The following NPAS2 variants were observed in gnomAD, a reference collection of about 807,000 sequenced individuals.
NPAS2 encodes neuronal PAS domain protein 2.
NPAS2 carries 23 observed loss-of-function variants against 107.5 expected under a neutral mutation model. That is an observed-to-expected ratio of 0.21 (90% CI 0.15 to 0.30). The LOEUF is 0.30. Among genes scored for constraint, NPAS2 ranks in the 10% least tolerant of loss-of-function variants. The probability of loss-of-function intolerance (pLI) is 1.00; values close to 1 mark genes in which losing one functional copy is unlikely to be tolerated. For synonymous variants in NPAS2, 403 were observed against 417.5 expected (o/e 0.97, Z 0.42); for missense variants, 756 against 1,043.3 (o/e 0.72, Z 3.79).
At chr2:100,954,390 C>T (rs1455018641) in intron 7 of NPAS2, among the ~76,000 whole-genome samples, 1 of 152,140 alleles carries the variant, frequency 6.6e-6, no homozygotes, top group Non-Finnish European at 1.5e-5. Flanking sequence ...GTGGGCCAGG[C>T]ACGGTGGCTC....
rs77661345 is a variant in NPAS2, at chr2:100,924,393, A to G, written c.33-753A>G. Among the ~76,000 whole-genome samples the G allele has an allele frequency of 7.1e-3, 1,080 of 152,320 alleles. 9 individuals are homozygous for G. Among genetic ancestry groups the G allele is most frequent in the African/African-American group, 0.024 (1,010 of 41,564 alleles). ...TAAAAATCCTCTGTTCATCCCTCCT[A>G]ACCCCTAGCAACCACTGATCTTTGT... On this transcript the variant is annotated intron_variant, in intron 2 of 20. Transcript: ENST00000335681.
intron 1 of NPAS2, among the ~76,000 whole-genome samples, chr2:100,856,077 T>G (rs1383884833): frequency 6.6e-6 from 1 of 152,140 alleles, no homozygotes; most frequent in Non-Finnish European, 1.5e-5. Context: ...GAGCCCTACT[T>G]AAGCAAAATT....
chr2:100,937,924 G>A (rs958074221), intron 5 of NPAS2, 82 bp downstream of exon 5: 15 of 1,130,046 alleles, frequency 1.3e-5, no homozygotes, highest in Admixed American at 8.4e-5. Context: ...ATGGAAGGTG[G>A]TGCAGGTGTC....
chr2:100,952,852 G>GTT (rs34286637), intron 7 of NPAS2, among the ~76,000 whole-genome samples: 187 of 133,478 alleles, frequency 1.4e-3, no homozygotes, highest in Non-Finnish European at 1.6e-3. Flanking sequence ...TATGTGTGAG[G>GTT]TTTTTTTTTT....
chr2:100,843,851 C>T (rs752252219), intron 1 of NPAS2, among the ~76,000 whole-genome samples: 24 of 152,142 alleles, frequency 1.6e-4, no homozygotes, highest in Non-Finnish European at 2.9e-4. Context: ...ACCCATCAAT[C>T]AGTTGTTCAG....
At chr2:100,963,939 AATATACTCTAC>A in intron 7 of NPAS2, 108 bp from the exon 8 acceptor site, 1 of 658,166 alleles carries the variant, frequency 1.5e-6, no homozygotes, top group Middle Eastern at 4.2e-4. Flanking sequence ...GAAATGAGTT[AATATACTCTAC>A]ATAAACCCTG....
At chr2:100,947,276 C>T (rs1022684839) in intron 5 of NPAS2, among the ~76,000 whole-genome samples, 5 of 152,124 alleles carry the variant, frequency 3.3e-5, no homozygotes, top group Admixed American at 3.3e-4. Context: ...ATGGGCCAGG[C>T]TTGATGGCTC....
chr2:100,897,579 C>T (rs1169883117), intron 1 of NPAS2, among the ~76,000 whole-genome samples: 2 of 152,122 alleles, frequency 1.3e-5, no homozygotes, highest in African/African-American at 4.8e-5. Flanking sequence ...GGGGAGGCAC[C>T]CTCACTGCTC....
At chr2:100,884,013 G>C (rs1680547249) in intron 1 of NPAS2, among the ~76,000 whole-genome samples, 4 of 152,154 alleles carry the variant, frequency 2.6e-5, no homozygotes, top group Admixed American at 2.6e-4. Flanking sequence ...CTTCCGTGGG[G>C]AGCACAGCCA....
intron 1 of NPAS2, among the ~76,000 whole-genome samples, chr2:100,873,307 T>TATATAC (rs1280164445): frequency 2.9e-4 from 12 of 41,894 alleles, no homozygotes; most frequent in South Asian, 1.3e-3. Flanking sequence ...TATATATATA[T>TATATAC]ACACACACAC....
intron 4 of NPAS2, among the ~76,000 whole-genome samples, chr2:100,934,449 G>C (rs191108451): frequency 6.6e-6 from 1 of 152,208 alleles, no homozygotes; most frequent in Non-Finnish European, 1.5e-5. Context: ...TTCTAGACAA[G>C]GAAGATTGAT....
At chr2:100,902,188 T>C (rs1209144599) in intron 1 of NPAS2, among the ~76,000 whole-genome samples, 1 of 152,202 alleles carries the variant, frequency 6.6e-6, no homozygotes, top group Non-Finnish European at 1.5e-5. Context: ...AGAGGACTGC[T>C]TTTCTTCCCT....
intron 1 of NPAS2, among the ~76,000 whole-genome samples, chr2:100,895,639 C>T (rs1260390683): frequency 6.6e-6 from 1 of 152,186 alleles, no homozygotes; most frequent in Non-Finnish European, 1.5e-5. Flanking sequence ...CTCAGTGCTC[C>T]ACTGGCCTTG....
chr2:100,964,444 C>T (rs904332424), intron 8 of NPAS2, among the ~76,000 whole-genome samples: 13 of 152,224 alleles, frequency 8.5e-5, no homozygotes, highest in Non-Finnish European at 1.6e-4. Flanking sequence ...ACCTTTCACA[C>T]CGGCGTTAAT....
intron 1 of NPAS2, among the ~76,000 whole-genome samples, chr2:100,884,171 T>C (rs1225266543): frequency 6.6e-6 from 1 of 152,164 alleles, no homozygotes; most frequent in Non-Finnish European, 1.5e-5. Flanking sequence ...AGCTGCTTGC[T>C]TTTGTGTGAA....
intron 1 of NPAS2, among the ~76,000 whole-genome samples, chr2:100,842,081 G>GCGCGTGCGCGCGCA: frequency 6.7e-5 from 10 of 148,798 alleles, no homozygotes; most frequent in African/African-American, 2.2e-4. Context: ...GCATGTACGC[G>GCGCGTGCGCGCGCA]CACACACACA....
chr2:100,951,681 G>A (rs966790147), intron 7 of NPAS2, among the ~76,000 whole-genome samples: 1 of 152,234 alleles, frequency 6.6e-6, no homozygotes, highest in African/African-American at 2.4e-5. Flanking sequence ...TGGAGGGAGG[G>A]GGAAATGGGA....
At chr2:100,914,019 A>G (rs1366722115) in intron 2 of NPAS2, among the ~76,000 whole-genome samples, 5 of 152,164 alleles carry the variant, frequency 3.3e-5, no homozygotes, top group Non-Finnish European at 5.9e-5. Context: ...TTGCACACTA[A>G]GTGTGCACAC....
At chr2:100,919,402 G>A (rs574146171) in intron 2 of NPAS2, among the ~76,000 whole-genome samples, 1 of 152,246 alleles carries the variant, frequency 6.6e-6, no homozygotes, top group South Asian at 2.1e-4. Flanking sequence ...ACAAAAAAAC[G>A]TTTTAAAGCA....
Sources: allele counts gnomAD v4.1 joint callset (sites outside exome capture counted in the v4.1 genomes callset), GRCh38; gene constraint gnomAD v4.1.1; transcripts MANE v1.5; gene names NCBI Gene and HGNC (gene_info 2026-07-23, HGNC 2026-07-21).